Variants in NCAM2 observed in about 807,000 individuals in gnomAD.
NCAM2 encodes neural cell adhesion molecule 2.
In NCAM2, 30 loss-of-function variants were observed where a neutral mutation model predicts 98.1. That is an observed-to-expected ratio of 0.31 (90% CI 0.23 to 0.41). The LOEUF (loss-of-function observed/expected upper bound fraction) is 0.41. NCAM2 is among the 10% of genes least tolerant of loss of function. The pLI, the probability that NCAM2 is intolerant of heterozygous loss-of-function variation, is 1.00. For missense variants in NCAM2, 867 were observed against 1,005.8 expected (o/e 0.86, Z 1.87); for synonymous variants, 368 against 342.4 (o/e 1.07, Z -0.83).
intron 12 of NCAM2, among the ~76,000 whole-genome samples, chr21:21,438,096 G>T (rs1348866629): frequency 6.6e-6 from 1 of 151,916 alleles, no homozygotes; most frequent in Non-Finnish European, 1.5e-5. Context: ...AGGTACATAT[G>T]GTCTCAACAT....
At chr21:21,476,579 A>T (rs1244165290) in intron 14 of NCAM2, among the ~76,000 whole-genome samples, 1 of 152,170 alleles carries the variant, frequency 6.6e-6, no homozygotes, top group African/African-American at 2.4e-5. Flanking sequence ...ATATTTCATT[A>T]GTAATTGTAG....
intron 8 of NCAM2, among the ~76,000 whole-genome samples, chr21:21,373,034 GTTAA>G (rs1241515178): frequency 2.6e-5 from 4 of 151,806 alleles, no homozygotes; most frequent in African/African-American, 9.6e-5. Flanking sequence ...TTCCAATAAA[GTTAA>G]TTAAGTACAA....
intron 1 of NCAM2, among the ~76,000 whole-genome samples, chr21:21,275,168 C>G (rs560521382): frequency 6.6e-6 from 1 of 151,876 alleles, no homozygotes. Flanking sequence ...GGACCGGGCG[C>G]GGTGGCTCAC....
At chr21:21,431,752 AC>A (rs1368468793) in intron 11 of NCAM2, among the ~76,000 whole-genome samples, 1 of 151,802 alleles carries the variant, frequency 6.6e-6, no homozygotes, top group African/African-American at 2.4e-5. Context: ...CGTTTTAACT[AC>A]CCTCTTTATC....
At chr21:21,227,241 A>C (rs558976163) in intron 1 of NCAM2, among the ~76,000 whole-genome samples, 4 of 151,866 alleles carry the variant, frequency 2.6e-5, no homozygotes, top group African/African-American at 9.7e-5. Flanking sequence ...GATGACAGTA[A>C]ATCAAGAGGA....
At chr21:21,478,367 T>C (rs1985429413) in intron 15 of NCAM2, among the ~76,000 whole-genome samples, 1 of 152,028 alleles carries the variant, frequency 6.6e-6, no homozygotes, top group Non-Finnish European at 1.5e-5. Flanking sequence ...CCAAGATTTA[T>C]TTGTCTTATT....
At chr21:21,300,371 G>A (rs2073668983) in intron 5 of NCAM2, among the ~76,000 whole-genome samples, 1 of 152,014 alleles carries the variant, frequency 6.6e-6, no homozygotes, top group African/African-American at 2.4e-5. Flanking sequence ...AAATTGTTTA[G>A]GTTGAGTCCA....
intron 15 of NCAM2, among the ~76,000 whole-genome samples, chr21:21,493,136 A>C (rs944405712): frequency 3.9e-5 from 6 of 151,996 alleles, no homozygotes; most frequent in Non-Finnish European, 7.4e-5. Context: ...TTAAGTGAAC[A>C]GGGAAAAATA....
rs1006964876 is a variant in NCAM2, at chr21:21,412,229, T to G, written c.1383+1768T>G. ...CTTCTTGCTGTGTCCTCACATGCCC[T>G]TTCCTCTGTGCGCACACAGAGTTCT... is the stretch of plus-strand genomic sequence containing the variant. On this transcript the variant is annotated intron_variant, in intron 10 of 17. Transcript: ENST00000400546. 6.6e-5 allele frequency among the ~76,000 whole-genome samples: 10 copies of G among 152,328 alleles called. No homozygotes were observed. In the East Asian group the frequency reaches 1.9e-3, roughly 29 times the overall value.
chr21:21,102,728 C>T (rs1202275937), intron 1 of NCAM2, among the ~76,000 whole-genome samples: 4 of 151,794 alleles, frequency 2.6e-5, no homozygotes, highest in Admixed American at 2.6e-4. Flanking sequence ...TTAATGTATT[C>T]TGAAACAGTT....
intron 10 of NCAM2, among the ~76,000 whole-genome samples, chr21:21,412,963 A>C (rs978357199): frequency 1.3e-5 from 2 of 152,158 alleles, no homozygotes; most frequent in African/African-American, 2.4e-5. Context: ...GGAAAAGTTT[A>C]CACTTAACAA....
intron 9 of NCAM2, among the ~76,000 whole-genome samples, chr21:21,394,794 A>G (rs1372497332): frequency 6.6e-6 from 1 of 152,098 alleles, no homozygotes; most frequent in East Asian, 1.9e-4. Flanking sequence ...AGGTCTAAGA[A>G]AGACAATCTA....
chr21:21,479,608 A>T (rs566127536), intron 15 of NCAM2, among the ~76,000 whole-genome samples: 3 of 127,916 alleles, frequency 2.3e-5, no homozygotes, highest in African/African-American at 5.6e-5. Flanking sequence ...AAAAAAAAAA[A>T]TTGTTGATGA....
chr21:21,489,751 C>A (rs939397680), intron 15 of NCAM2, among the ~76,000 whole-genome samples: 1 of 152,114 alleles, frequency 6.6e-6, no homozygotes, highest in South Asian at 2.1e-4. Flanking sequence ...ATTGTTTAAT[C>A]ATTAATATTT....
intron 1 of NCAM2, among the ~76,000 whole-genome samples, chr21:21,226,011 A>G (rs981412669): frequency 6.6e-6 from 1 of 152,146 alleles, no homozygotes; most frequent in African/African-American, 2.4e-5. Context: ...TTGTGGCAAC[A>G]TGGATGCAGC....
intron 1 of NCAM2, among the ~76,000 whole-genome samples, chr21:21,190,662 T>G (rs1215651278): frequency 6.6e-6 from 1 of 152,196 alleles, no homozygotes; most frequent in African/African-American, 2.4e-5. Context: ...GACAGCCTAG[T>G]GCAGAAAGTG....
intron 1 of NCAM2, among the ~76,000 whole-genome samples, chr21:21,252,968 G>A (rs559917730): frequency 6.6e-6 from 1 of 152,146 alleles, no homozygotes; most frequent in African/African-American, 2.4e-5. Flanking sequence ...AAATCTCCCA[G>A]CACTAAAAGC....
At chr21:21,533,775 G>A (rs1286783711) in intron 16 of NCAM2, among the ~76,000 whole-genome samples, 1 of 147,994 alleles carries the variant, frequency 6.8e-6, no homozygotes, top group African/African-American at 2.5e-5. Context: ...TTTGGTTGTT[G>A]TTCAGTTGTG....
chr21:21,130,194 T>A (rs974846339), intron 1 of NCAM2, among the ~76,000 whole-genome samples: 2 of 152,202 alleles, frequency 1.3e-5, no homozygotes, highest in African/African-American at 4.8e-5. Flanking sequence ...AATTGTTGGT[T>A]ACAATTTTAT....
Sources: gnomAD v4.1 joint callset for allele counts (sites outside exome capture counted in the v4.1 genomes callset) on GRCh38, gnomAD v4.1.1 for gene constraint, MANE v1.5 for transcripts, NCBI Gene and HGNC (gene_info 2026-07-23, HGNC 2026-07-21) for gene names.